RAMP3: variants seen among roughly 807,000 people sequenced by gnomAD.
RAMP3 encodes the protein receptor activity modifying protein 3.
RAMP3 carries 14 observed loss-of-function variants against 13.5 expected under a neutral mutation model. That is an observed-to-expected ratio of 1.04 (90% CI 0.69 to 1.63). The LOEUF (loss-of-function observed/expected upper bound fraction) is 1.63, where lower values mean the gene tolerates loss of function less well. RAMP3 is among the 40% of genes most tolerant of loss of function. The pLI, the probability that RAMP3 is intolerant of heterozygous loss-of-function variation, is 0.00. For missense variants in RAMP3, 200 were observed against 204.8 expected (o/e 0.98, Z 0.14); for synonymous variants, 106 against 88.3 (o/e 1.20, Z -1.12).
At chr7:45,158,002 G>A (rs1785792632) in intron 1 of RAMP3, 116 bp downstream of exon 1, 2 of 1,028,298 alleles carry the variant, frequency 1.9e-6, no homozygotes, top group Admixed American at 4.3e-5. Context: ...CCCGGAGCTC[G>A]GGAGGGGCGC....
chr7:45,181,270 T>A lies in RAMP3; in HGVS notation c.192-1887T>A, dbSNP rs567614681. Reference sequence around the variant, plus strand: ...CTGCAACCTGAGCCTGAAGCCACTGTCCATGCTGTCTTCTGGGATTACCTC... The same window carrying A: ...CTGCAACCTGAGCCTGAAGCCACTGACCATGCTGTCTTCTGGGATTACCTC... On this transcript the variant is annotated intron_variant, in intron 2 of 2. Coordinates refer to ENST00000242249, the MANE Select transcript of RAMP3 (RefSeq NM_005856.3). Among the ~76,000 whole-genome samples the A allele has an allele frequency of 7.2e-5, 11 of 152,368 alleles. 1 individual carries two copies. In the South Asian group the frequency reaches 2.1e-3, roughly 29 times the overall value.
rs767097469 is a variant in RAMP3 at position 45,183,921 on chromosome 7, G to A, written c.*509G>A. ...GGGCTCTTGGAAGACGTTCCGTGCT[G>A]TGACCTCCGAGCCCTCCTGGTGGGA... On this transcript the variant is annotated 3_prime_UTR_variant, in exon 3 of 3. Transcript: ENST00000242249. 23 of 423,336 alleles carry A rather than the reference G, an allele frequency of 5.4e-5. No individual in the cohort carries two copies. Among genetic ancestry groups the A allele is most frequent in the Non-Finnish European group, 8.7e-5 (21 of 240,254 alleles). 26.2% of individuals were successfully genotyped at this position (423,336 alleles called of 1,614,324 possible).
intron 1 of RAMP3, among the ~76,000 whole-genome samples, chr7:45,161,950 G>A (rs759495415): frequency 6.6e-6 from 1 of 152,168 alleles, no homozygotes; most frequent in African/African-American, 2.4e-5. Context: ...CTGTTAGGGA[G>A]TGACGCCAGA....
intron 2 of RAMP3, among the ~76,000 whole-genome samples, chr7:45,179,365 TCAC>T (rs3216466): frequency 0.42 from 63,582 of 151,242 alleles, 14,336 homozygotes; most frequent in Admixed American, 0.51. Context: ...CAGTCACGAG[TCAC>T]TTCCAAGCAG....
intron 1 of RAMP3, 82 bp downstream of exon 1, chr7:45,157,968 C>A: frequency 8.1e-7 from 1 of 1,238,520 alleles, no homozygotes; most frequent in Non-Finnish European, 1.0e-6. Flanking sequence ...CCTTCCCGCA[C>A]CTGCGCCGCG....
chr7:45,174,161 G>A (rs1208471443), intron 1 of RAMP3, among the ~76,000 whole-genome samples: 3 of 152,122 alleles, frequency 2.0e-5, no homozygotes, highest in Admixed American at 6.5e-5. Context: ...CAGCAGGCCC[G>A]GCATGCACAG....
chr7:45,157,884 G>A lies in RAMP3; in HGVS notation c.56G>A (p.Cys19Tyr). The A allele has an allele frequency of 7.2e-7, 1 of 1,386,310 alleles. No individual in the cohort carries two copies. The highest frequency in any genetic ancestry group is 9.3e-7 in the Non-Finnish European group (1 of 1,078,266). 85.9% of individuals were successfully genotyped at this position (1,386,310 alleles called of 1,614,324 possible). ...CTTCTCCCGTTGCTGCTGCTGCTCT[G>A]CGGTAAGGGGGCGACGGCCCGCACC... ...PQLLPLLLLL[C>Y]GGCPRAGGCN... Residue 19 changes from cysteine (C) to tyrosine (Y), a missense_variant and splice_region_variant, in exon 1 of 3, where the codon TGC becomes TAC. Coordinates refer to ENST00000242249, the MANE Select transcript of RAMP3 (RefSeq NM_005856.3).
intron 1 of RAMP3, among the ~76,000 whole-genome samples, chr7:45,177,074 C>T (rs11981187): frequency 0.19 from 28,785 of 152,218 alleles, 3,185 homozygotes; most frequent in African/African-American, 0.29. Flanking sequence ...GCCTGTGAGG[C>T]GGTGAAGTGA....
chr7:45,164,790 G>A (rs1785926666), intron 1 of RAMP3, among the ~76,000 whole-genome samples: 2 of 152,158 alleles, frequency 1.3e-5, no homozygotes, highest in South Asian at 4.1e-4. Flanking sequence ...CTTTTGATTA[G>A]TGGTAGCAAG....
intron 1 of RAMP3, among the ~76,000 whole-genome samples, chr7:45,171,043 C>G (rs965963416): frequency 6.6e-6 from 1 of 151,968 alleles, no homozygotes; most frequent in Non-Finnish European, 1.5e-5. Flanking sequence ...ATCTCAAAAC[C>G]ATATCTAATT....
chr7:45,177,548 T>TGCCTCACCCAC (rs1179434193), intron 2 of RAMP3, 107 bp downstream of exon 2: 6 of 1,521,508 alleles, frequency 3.9e-6, no homozygotes, highest in Non-Finnish European at 5.4e-6. Flanking sequence ...GCCTCACCCA[T>TGCCTCACCCAC]GCCTCACCCA....
intron 2 of RAMP3, among the ~76,000 whole-genome samples, chr7:45,181,870 C>T (rs1484170921): frequency 6.6e-6 from 1 of 152,224 alleles, no homozygotes; most frequent in African/African-American, 2.4e-5. Flanking sequence ...TCTCTGCTGA[C>T]ACTACCTGGA....
chr7:45,176,586 C>A (rs559408817), intron 1 of RAMP3, among the ~76,000 whole-genome samples: 1 of 151,990 alleles, frequency 6.6e-6, no homozygotes, highest in Non-Finnish European at 1.5e-5. Context: ...GGAGACAGGC[C>A]CTGAAGGACA....
chr7:45,160,969 C>G (rs981512467), intron 1 of RAMP3, among the ~76,000 whole-genome samples: 1 of 152,230 alleles, frequency 6.6e-6, no homozygotes, highest in African/African-American at 2.4e-5. Flanking sequence ...TAGAAATGAG[C>G]TCCCTGGGGA....
chr7:45,175,274 G>A (rs1435808991), intron 1 of RAMP3, among the ~76,000 whole-genome samples: 1 of 152,160 alleles, frequency 6.6e-6, no homozygotes, highest in Admixed American at 6.5e-5. Flanking sequence ...CTGTGTCCAG[G>A]GGCCATGGTG....
chr7:45,178,191 G>T (rs1489194805), intron 2 of RAMP3, among the ~76,000 whole-genome samples: 2 of 152,148 alleles, frequency 1.3e-5, no homozygotes, highest in Non-Finnish European at 2.9e-5. Flanking sequence ...AGGACTTAGA[G>T]GAATTGGGTT....
chr7:45,175,445 G>A (rs996313732), intron 1 of RAMP3, among the ~76,000 whole-genome samples: 2 of 152,198 alleles, frequency 1.3e-5, no homozygotes, highest in African/African-American at 4.8e-5. Context: ...AGATGTGAGT[G>A]CCTACACAGG....
In RAMP3 at chr7:45,169,357, C is replaced by T. The variant is rs372630332; in HGVS notation, c.59-7952C>T. ...TTGTGAATGATTTCTGTTAATTCTT[C>T]TTTCAGTGTTTGGTAGAATTTGCCA... On this transcript the variant is annotated intron_variant, in intron 1 of 2. Coordinates refer to ENST00000242249, the MANE Select transcript of RAMP3 (RefSeq NM_005856.3). 2.7e-3 allele frequency among the ~76,000 whole-genome samples: 410 copies of T among 152,272 alleles called. 7 individuals carry two copies. The highest frequency in any genetic ancestry group is 9.6e-3 in the African/African-American group (398 of 41,558).
rs546056556 is a variant in RAMP3, at chr7:45,177,459, G to T, written c.191+18G>T. ...TTCATCGTGTGAGTGCCACTGCTGGGCGTGGGATTTGCTCTGACCACAGCG... is the reference window on the plus strand; with the variant it reads ...TTCATCGTGTGAGTGCCACTGCTGGTCGTGGGATTTGCTCTGACCACAGCG... On this transcript the variant is annotated intron_variant, in intron 2 of 2. Coordinates refer to ENST00000242249, the MANE Select transcript of RAMP3 (RefSeq NM_005856.3). 6 of 1,613,810 alleles carry T rather than the reference G, an allele frequency of 3.7e-6. No homozygotes were observed. Among genetic ancestry groups the T allele is most frequent in the Admixed American group, 3.3e-5 (2 of 59,990 alleles).
Sources: allele counts gnomAD v4.1 joint callset (sites outside exome capture counted in the v4.1 genomes callset), GRCh38; gene constraint gnomAD v4.1.1; transcripts MANE v1.5; gene names NCBI Gene and HGNC (gene_info 2026-07-23, HGNC 2026-07-21).